The following LRIG2 variants were observed in gnomAD, a reference collection of about 807,000 sequenced individuals.
LRIG2 encodes the protein leucine rich repeats and immunoglobulin like domains 2.
Under a neutral mutation model 107.8 loss-of-function variants are expected in LRIG2, and 93 were observed. That is an observed-to-expected ratio of 0.86 (90% CI 0.73 to 1.03). The LOEUF is 1.03. LRIG2 is among the 50% of genes least tolerant of loss of function. The probability of loss-of-function intolerance (pLI) is 0.00; values close to 1 mark genes in which losing one functional copy is unlikely to be tolerated. For missense variants in LRIG2, 1,226 were observed against 1,296.0 expected, an observed-to-expected ratio of 0.95 and a Z score of 0.83; for synonymous variants, 471 against 470.6, an observed-to-expected ratio of 1.00 and a Z score of -0.01.
At chr1:113,118,453 A>T (rs1350301800) in intron 16 of LRIG2, among the ~76,000 whole-genome samples, 2 of 152,202 alleles carry the variant, frequency 1.3e-5, no homozygotes, top group African/African-American at 2.4e-5. Flanking sequence ...ATGGTTTTTC[A>T]TGAAGTGAAG....
intron 1 of LRIG2, among the ~76,000 whole-genome samples, chr1:113,076,474 C>T (rs888964991): frequency 1.3e-5 from 2 of 152,146 alleles, no homozygotes; most frequent in African/African-American, 4.8e-5. Flanking sequence ...ATGACATTTT[C>T]AGTTGAAGTG....
chr1:113,083,622 A>G lies in LRIG2; in HGVS notation c.240-7696A>G, dbSNP rs537333981. Among the ~76,000 whole-genome samples, 6 of 151,856 alleles carry G rather than the reference A, an allele frequency of 4.0e-5. No individual in the cohort carries two copies. The South Asian group carries it at 1.3e-3, about 32-fold the overall frequency. On this transcript the variant is annotated intron_variant, in intron 1 of 17. Coordinates refer to ENST00000361127, the MANE Select transcript of LRIG2 (RefSeq NM_014813.3). ...TGGCTATCCAAAGTGCTGGGATTAC[A>G]GACGTGAGCCACTGTGCCCGGCCAG...
At chr1:113,100,317 A>G (rs374998886) in intron 10 of LRIG2, 35 bp downstream of exon 10, 188 of 1,539,110 alleles carry the variant, frequency 1.2e-4, no homozygotes, top group Non-Finnish European at 2.1e-5. Flanking sequence ...TTACTCTATA[A>G]ATAATCTTTG....
intron 13 of LRIG2, among the ~76,000 whole-genome samples, chr1:113,111,269 CA>C: frequency 6.6e-6 from 1 of 152,340 alleles, no homozygotes; most frequent in East Asian, 1.9e-4. Context: ...CTCCTGAGCG[CA>C]AGTGATCCGC....
chr1:113,131,922 A>C lies in LRIG2; in HGVS notation c.*7821A>C, dbSNP rs1655714713. On this transcript the variant is annotated 3_prime_UTR_variant, in exon 18 of 18. Coordinates refer to ENST00000361127, the MANE Select transcript of LRIG2 (RefSeq NM_014813.3). Reference sequence around the variant, plus strand: ...GATAAAGGAGTAAAGTGATCTACAAACTGTAACTATCTTGAAAGAGAAATT... The same window carrying C: ...GATAAAGGAGTAAAGTGATCTACAACCTGTAACTATCTTGAAAGAGAAATT... 1 of 151,940 alleles carries C rather than the reference A, an allele frequency of 6.6e-6. No homozygotes were observed. The highest frequency in any genetic ancestry group is 6.6e-5 in the Admixed American group (1 of 15,226). The allele number at this position is 151,940 out of a possible 1,614,324, so 9.4% of individuals were successfully genotyped here.
At chr1:113,122,186 G>A (rs767647628) in intron 17 of LRIG2, among the ~76,000 whole-genome samples, 20 of 148,622 alleles carry the variant, frequency 1.3e-4, no homozygotes, top group African/African-American at 2.7e-4. Context: ...GGGTTCAAGC[G>A]AGTCTCCTGC....
In LRIG2 at chr1:113,110,468, C is replaced by T. The variant is rs539775071; in HGVS notation, c.1704C>T (p.Phe568=). Residue 568 remains phenylalanine, a synonymous_variant, in exon 13 of 18, where the codon TTC becomes TTT. Coordinates refer to ENST00000361127, the MANE Select transcript of LRIG2 (RefSeq NM_014813.3). ...AATATACTAGTATCTTACATCTTTT[C>T]AATGTGAATTTCACAGATGAAGGAA... ...ALEYTSILHL[F]NVNFTDEGKY... 4.8e-5 allele frequency: 78 copies of T among 1,613,436 alleles called. No individual in the cohort carries two copies. The highest frequency in any genetic ancestry group is 4.6e-4 in the South Asian group (42 of 91,056).
intron 12 of LRIG2, among the ~76,000 whole-genome samples, chr1:113,108,443 T>C (rs1472059261): frequency 2.0e-5 from 3 of 151,428 alleles, no homozygotes; most frequent in South Asian, 2.1e-4. Flanking sequence ...AGGCTGGTCT[T>C]GAACTCCTGA....
At position 113,073,320 on chromosome 1, in the gene LRIG2, C is replaced by A. The variant is rs908246738; in HGVS notation, c.-87C>A. Reference sequence around the variant, plus strand: ...GCCGGGGCTTCGGGAGACAGTGCAGCCACCGAGCATCTCTGCTGAGCTTCT... The same window carrying A: ...GCCGGGGCTTCGGGAGACAGTGCAGACACCGAGCATCTCTGCTGAGCTTCT... On this transcript the variant is annotated 5_prime_UTR_variant, in exon 1 of 18. Coordinates refer to ENST00000361127, the MANE Select transcript of LRIG2 (RefSeq NM_014813.3). 213 of 1,086,804 alleles carry A rather than the reference C, an allele frequency of 2.0e-4. No homozygotes were observed. The highest frequency in any genetic ancestry group is 2.7e-4 in the Non-Finnish European group (193 of 721,702). The allele number at this position is 1,086,804 out of a possible 1,614,324, so 67.3% of individuals were successfully genotyped here.
intron 1 of LRIG2, among the ~76,000 whole-genome samples, chr1:113,079,700 A>T (rs1653167669): frequency 6.6e-6 from 1 of 151,724 alleles, no homozygotes. Context: ...AAGAAAAGAA[A>T]AAAGAAAGGT....
intron 1 of LRIG2, among the ~76,000 whole-genome samples, chr1:113,086,703 T>A (rs1407028286): frequency 6.6e-6 from 1 of 152,210 alleles, no homozygotes; most frequent in African/African-American, 2.4e-5. Flanking sequence ...ACGACTACAT[T>A]AATGGCACCT....
At chr1:113,079,247 C>T (rs1445530717) in intron 1 of LRIG2, among the ~76,000 whole-genome samples, 2 of 150,406 alleles carry the variant, frequency 1.3e-5, no homozygotes, top group Admixed American at 1.3e-4. Flanking sequence ...ACTTGGGGGG[C>T]TGAGGTAGGA....
chr1:113,089,847 C>T (rs2101029804), intron 1 of LRIG2, among the ~76,000 whole-genome samples: 1 of 151,910 alleles, frequency 6.6e-6, no homozygotes, highest in Non-Finnish European at 1.5e-5. Context: ...TGCGTGCCAC[C>T]ATGCCTGGCT....
chr1:113,077,216 CT>C (rs1653019343), intron 1 of LRIG2, among the ~76,000 whole-genome samples: 1 of 151,786 alleles, frequency 6.6e-6, no homozygotes, highest in African/African-American at 2.4e-5. Context: ...CTGATCTCGG[CT>C]CACTGCAACC....
intron 1 of LRIG2, among the ~76,000 whole-genome samples, chr1:113,080,990 T>C (rs11102581): frequency 0.34 from 51,685 of 151,486 alleles, 9,497 homozygotes; most frequent in East Asian, 0.65. Flanking sequence ...ATTACAGGCA[T>C]GCACCACACG....
At chr1:113,079,556 G>A (rs1396734690) in intron 1 of LRIG2, among the ~76,000 whole-genome samples, 13 of 146,532 alleles carry the variant, frequency 8.9e-5, no homozygotes, top group African/African-American at 2.0e-4. Context: ...GGTGGCGGGC[G>A]CCTGTAATCC....
intron 6 of LRIG2, 111 bp from the exon 7 acceptor site, chr1:113,095,763 G>A: frequency 9.7e-7 from 1 of 1,028,192 alleles, no homozygotes; most frequent in Non-Finnish European, 1.5e-6. Flanking sequence ...GGTCAGCTCA[G>A]TTGGGTTGAA....
In LRIG2 at chr1:113,073,307, G is replaced by A. The variant is rs1365936434; in HGVS notation, c.-100G>A. ...GGTACAGCCTTCAGCCGGGGCTTCG[G>A]GAGACAGTGCAGCCACCGAGCATCT... On this transcript the variant is annotated 5_prime_UTR_variant, in exon 1 of 18. Transcript: ENST00000361127. 9.3e-6 allele frequency: 9 copies of A among 972,724 alleles called. No individual in the cohort carries two copies. The highest frequency in any genetic ancestry group is 1.4e-5 in the Non-Finnish European group (9 of 624,228). The allele number at this position is 972,724 out of a possible 1,614,324, so 60.3% of individuals were successfully genotyped here. A position where few individuals can be genotyped will look rare whatever the true frequency, so the allele number is the denominator to read the frequency against.
chr1:113,088,721 A>G (rs1476414446), intron 1 of LRIG2, among the ~76,000 whole-genome samples: 2 of 152,230 alleles, frequency 1.3e-5, no homozygotes, highest in African/African-American at 4.8e-5. Flanking sequence ...TTGGAGTAGA[A>G]TATAGAATAT....
Sources: allele counts gnomAD v4.1 joint callset (sites outside exome capture counted in the v4.1 genomes callset), GRCh38; gene constraint gnomAD v4.1.1; transcripts MANE v1.5; gene names NCBI Gene and HGNC (gene_info 2026-07-23, HGNC 2026-07-21).